The following SEMA3E variants were observed in gnomAD, a reference collection of about 807,000 sequenced individuals.
SEMA3E encodes semaphorin 3E.
In SEMA3E, 49 loss-of-function variants were observed where a neutral mutation model predicts 93.6. That is an observed-to-expected ratio of 0.52 (90% confidence interval 0.42 to 0.66). SEMA3E has a LOEUF of 0.66. Ranked by LOEUF, SEMA3E falls within the 30% of genes least tolerant of loss-of-function variation. SEMA3E has a pLI of 0.00. For synonymous variants in SEMA3E, 363 were observed against 330.7 expected (o/e 1.10, Z -1.06); for missense variants, 906 against 964.8 (o/e 0.94, Z 0.81).
At chr7:83,594,152 A>G (rs980728854) in intron 1 of SEMA3E, among the ~76,000 whole-genome samples, 2 of 152,100 alleles carry the variant, frequency 1.3e-5, no homozygotes, top group African/African-American at 2.4e-5. Flanking sequence ...GTTTTTCTCT[A>G]GACAGCATGG....
At chr7:83,632,922 G>T (rs1201292630) in intron 1 of SEMA3E, among the ~76,000 whole-genome samples, 4 of 152,076 alleles carry the variant, frequency 2.6e-5, no homozygotes, top group Admixed American at 2.0e-4. Flanking sequence ...CACCTATCTG[G>T]AAGCCATGGA....
chr7:83,494,510 T>A (rs562502875), intron 1 of SEMA3E, among the ~76,000 whole-genome samples: 144 of 151,896 alleles, frequency 9.5e-4, no homozygotes, highest in African/African-American at 3.4e-3. Context: ...AGTCACTTTA[T>A]GGCCTTAGGT....
intron 3 of SEMA3E, among the ~76,000 whole-genome samples, chr7:83,468,931 A>G (rs1464506558): frequency 5.9e-5 from 9 of 152,240 alleles, no homozygotes; most frequent in Admixed American, 5.2e-4. Flanking sequence ...TAGAAAAAAA[A>G]AATTACCTGC....
intron 1 of SEMA3E, among the ~76,000 whole-genome samples, chr7:83,583,684 T>A (rs1792560412): frequency 6.6e-6 from 1 of 152,176 alleles, no homozygotes; most frequent in African/African-American, 2.4e-5. Flanking sequence ...AATTCTGAAC[T>A]GGTTAGATGT....
intron 1 of SEMA3E, among the ~76,000 whole-genome samples, chr7:83,571,988 A>AT (rs1303070839): frequency 1.3e-5 from 2 of 152,192 alleles, no homozygotes; most frequent in African/African-American, 4.8e-5. Flanking sequence ...CACAAAAAAA[A>AT]TGAAATACTT....
intron 2 of SEMA3E, among the ~76,000 whole-genome samples, chr7:83,481,111 A>G (rs1450145123): frequency 1.3e-5 from 2 of 152,198 alleles, no homozygotes; most frequent in African/African-American, 2.4e-5. Flanking sequence ...CCCAATTTAG[A>G]GACTTTGAAG....
chr7:83,438,662 C>T (rs1789050754), intron 4 of SEMA3E, among the ~76,000 whole-genome samples: 2 of 151,916 alleles, frequency 1.3e-5, no homozygotes, highest in Middle Eastern at 3.4e-3. Context: ...ATCCAATTTG[C>T]ATTTGGGTTA....
At chr7:83,443,198 C>A (rs886909639) in intron 4 of SEMA3E, among the ~76,000 whole-genome samples, 1 of 152,108 alleles carries the variant, frequency 6.6e-6, no homozygotes, top group Non-Finnish European at 1.5e-5. Flanking sequence ...TGTACAGGAC[C>A]TTTCTGACAT....
intron 1 of SEMA3E, among the ~76,000 whole-genome samples, chr7:83,618,687 T>C (rs1793477401): frequency 6.6e-6 from 1 of 151,992 alleles, no homozygotes; most frequent in South Asian, 2.1e-4. Context: ...ACAGGCATTC[T>C]AATTATAAAT....
chr7:83,470,631 G>T (rs1044828960), intron 2 of SEMA3E, among the ~76,000 whole-genome samples: 1 of 151,854 alleles, frequency 6.6e-6, no homozygotes, highest in Non-Finnish European at 1.5e-5. Flanking sequence ...GGCAACTATT[G>T]TATCCTGTTA....
rs776160195 is a variant in SEMA3E, at chr7:83,386,958, G to T, written c.1735+25C>A. 2.5e-6 allele frequency: 4 copies of T among 1,606,768 alleles called. No homozygotes were observed. In the Admixed American group the frequency reaches 6.7e-5, roughly 27 times the overall value. ...TTCAATGTATTCTCTGAGTAACCCA[G>T]AACAACTGATTTTCTATGGATTACC... is the stretch of plus-strand genomic sequence containing the variant. On this transcript the variant is annotated intron_variant, in intron 15 of 16. Coordinates refer to ENST00000643230, the MANE Select transcript of SEMA3E (RefSeq NM_012431.3).
chr7:83,515,678 T>A (rs1790912262), intron 1 of SEMA3E, among the ~76,000 whole-genome samples: 2 of 152,186 alleles, frequency 1.3e-5, no homozygotes, highest in Non-Finnish European at 2.9e-5. Flanking sequence ...ATCCCTAGAC[T>A]GTAAAAAATT....
intron 1 of SEMA3E, among the ~76,000 whole-genome samples, chr7:83,545,765 G>T (rs1758452977): frequency 6.7e-6 from 1 of 148,458 alleles, no homozygotes; most frequent in East Asian, 2.0e-4. Context: ...GTGTGTTTAT[G>T]TGTGTATCCA....
rs1562758626 is a variant in SEMA3E at position 83,390,134 on chromosome 7, CATAT to C, written c.1667+2417_1667+2420del. Among the ~76,000 whole-genome samples the C allele has an allele frequency of 1.5e-3, 67 of 44,912 alleles. 9 individuals are homozygous for C. Among genetic ancestry groups the C allele is most frequent in the Non-Finnish European group, 2.0e-3 (44 of 22,424 alleles). 29.5% of individuals were successfully genotyped at this position (44,912 alleles called of 152,430 possible). A position where few individuals can be genotyped will look rare whatever the true frequency, so the allele number is the denominator to read the frequency against. ...ACATATATGCGCGTATACGTGTGCACATATATGCGCGTATACGTGTGCACATATA... is the reference window on the plus strand; with the variant it reads ...ACATATATGCGCGTATACGTGTGCACATGCGCGTATACGTGTGCACATATA... On this transcript the variant is annotated intron_variant, in intron 14 of 16. Coordinates refer to ENST00000643230, the MANE Select transcript of SEMA3E (RefSeq NM_012431.3).
At chr7:83,591,030 C>T (rs1010515713) in intron 1 of SEMA3E, among the ~76,000 whole-genome samples, 1 of 145,812 alleles carries the variant, frequency 6.9e-6, no homozygotes, top group Non-Finnish European at 1.5e-5. Context: ...TGTTCTTGAG[C>T]AGGAAGTTTT....
At chr7:83,537,144 GC>G (rs1378485595) in intron 1 of SEMA3E, among the ~76,000 whole-genome samples, 1 of 151,962 alleles carries the variant, frequency 6.6e-6, no homozygotes, top group Non-Finnish European at 1.5e-5. Context: ...CAGGAAGACA[GC>G]CCTTTCCAGA....
At chr7:83,480,976 A>G (rs61274088) in intron 2 of SEMA3E, among the ~76,000 whole-genome samples, 282 of 152,320 alleles carry the variant, frequency 1.9e-3, no homozygotes, top group African/African-American at 6.1e-3. Context: ...CTTCCTCAAT[A>G]TAAAACTATA....
rs1794625809 is a variant in SEMA3E, at chr7:83,363,943, G to A, written c.*3643C>T. ...CGCTCTGTCGCCCAGGCCGGACTGC[G>A]GACTGCAGTGGCGCAATCTCGGCTC... On this transcript the variant is annotated 3_prime_UTR_variant, in exon 17 of 17. Transcript: ENST00000643230. 8.4e-6 allele frequency: 1 copy of A among 119,706 alleles called. No homozygotes were observed. The highest frequency in any genetic ancestry group is 1.6e-5 in the Non-Finnish European group (1 of 62,254). 7.4% of individuals were successfully genotyped at this position (119,706 alleles called of 1,614,324 possible). A position where few individuals can be genotyped will look rare whatever the true frequency, so the allele number is the denominator to read the frequency against.
At chr7:83,640,072 C>T (rs547345315) in intron 1 of SEMA3E, among the ~76,000 whole-genome samples, 17 of 152,266 alleles carry the variant, frequency 1.1e-4, no homozygotes, top group African/African-American at 3.9e-4. Context: ...CCATTCCCAT[C>T]ATTTCCTGGG....
Sources: allele counts gnomAD v4.1 joint callset (sites outside exome capture counted in the v4.1 genomes callset), GRCh38; gene constraint gnomAD v4.1.1; transcripts MANE v1.5; gene names NCBI Gene and HGNC (gene_info 2026-07-23, HGNC 2026-07-21).